The following DYNC1H1 variants were observed in gnomAD, a reference collection of about 807,000 sequenced individuals.
DYNC1H1 encodes cytoplasmic dynein 1 heavy chain 1.
A neutral mutation model predicts 527.1 loss-of-function variants in DYNC1H1; 51 were observed. That is an observed-to-expected ratio of 0.10 (90% CI 0.08 to 0.12). The LOEUF (loss-of-function observed/expected upper bound fraction) is 0.12. Ranked by LOEUF, DYNC1H1 falls within the 10% of genes least tolerant of loss-of-function variation. The pLI is 1.00. For synonymous variants in DYNC1H1, 2,189 were observed against 2,278.8 expected, an observed-to-expected ratio of 0.96 and a Z score of 1.12; for missense variants, 2,771 against 5,971.8, an observed-to-expected ratio of 0.46 and a Z score of 17.66.
chr14:101,965,957 G>T lies in DYNC1H1; in HGVS notation c.256+1010G>T, dbSNP rs1300455271. ...AAGTCTGGGGCTTGCCTGCAGGCAG[G>T]CTTTCTCATGGATTCATTACAACCA... On this transcript the variant is annotated intron_variant, in intron 1 of 77. Transcript: ENST00000360184. This position sits in a 1 kb window ranked among gnomAD's most constrained non-coding sequence, Gnocchi z 4.1. Among the ~76,000 whole-genome samples, 1 of 152,124 alleles carries T rather than the reference G, an allele frequency of 6.6e-6. No individual in the cohort carries two copies. The highest frequency in any genetic ancestry group is 6.5e-5 in the Admixed American group (1 of 15,268).
chr14:102,047,620 C>CGTGTGTGTGT (rs71116873), intron 72 of DYNC1H1, 197 bp from the exon 73 acceptor site: 97 of 324,238 alleles, frequency 3.0e-4, no homozygotes, highest in Admixed American at 6.7e-4. Flanking sequence ...TATATATACA[C>CGTGTGTGTGT]GTGTGTGTGT....
chr14:101,988,723 C>T lies in DYNC1H1; in HGVS notation c.2739C>T (p.Val913=). The part of the protein sequence containing the change: ...LDMEIERILG[V]RLQAGLRAWT... ...TGTAGATTGAAAGAATATTGGGCGT[C>T]CGTCTGCAAGCTGGCCTGAGAGCTT... Residue 913 remains valine, a synonymous_variant, in exon 10 of 78, where the codon GTC becomes GTT. Transcript: ENST00000360184. 1 of 1,614,138 alleles carries T rather than the reference C, an allele frequency of 6.2e-7. No homozygotes were observed.
In DYNC1H1 at chr14:102,022,772, G is replaced by A. The variant is rs764023995; in HGVS notation, c.8529G>A (p.Arg2843=). ...ACAGACTCGTAGAGGATGAGGAGAG[G>A]CGTTGGACTGATGAGAACATCGACA... ...FQDRLVEDEE[R]RWTDENIDTV... The change falls in exon 43 of 78, where the codon AGG becomes AGA. Residue 2843 remains arginine, a synonymous_variant. Coordinates refer to ENST00000360184, the MANE Select transcript of DYNC1H1 (RefSeq NM_001376.5). The A allele has an allele frequency of 3.7e-6, 6 of 1,614,054 alleles. No homozygotes were observed. The highest frequency in any genetic ancestry group is 1.3e-5 in the African/African-American group (1 of 74,920).
intron 34 of DYNC1H1, among the ~76,000 whole-genome samples, chr14:102,014,530 C>CA (rs35266808): frequency 0.19 from 21,591 of 114,258 alleles, 1,877 homozygotes; most frequent in East Asian, 0.29. Context: ...AACTCCATCT[C>CA]AAAAAAAAAA....
chr14:102,031,272 C>T (rs1329481117), intron 51 of DYNC1H1, among the ~76,000 whole-genome samples: 8 of 152,130 alleles, frequency 5.3e-5, no homozygotes, highest in African/African-American at 9.7e-5. Flanking sequence ...CTCACTCTGT[C>T]CCCCAGGCTG....
chr14:102,018,637 C>T lies in DYNC1H1; in HGVS notation c.8343+21C>T. Reference sequence around the variant, plus strand: ...CTCAGGTACGCAGAGTTTCTTTGCTCTTCCAGAAATTGTTTTCCTCTCATA... The same window carrying T: ...CTCAGGTACGCAGAGTTTCTTTGCTTTTCCAGAAATTGTTTTCCTCTCATA... On this transcript the variant is annotated intron_variant, in intron 41 of 77. Transcript: ENST00000360184. The surrounding 1 kb of genome is among the most constrained non-coding windows in gnomAD (Gnocchi z 5.2). The T allele has an allele frequency of 6.2e-7, 1 of 1,612,452 alleles. No individual in the cohort carries two copies. The highest frequency in any genetic ancestry group is 8.5e-7 in the Non-Finnish European group (1 of 1,179,906).
At position 102,039,661 on chromosome 14, in the gene DYNC1H1, A is replaced by G. The variant is rs779072671; in HGVS notation, c.11619A>G (p.Arg3873=). ...LFQVAFNRVA[R]GMLHQDHITF... Reference sequence around the variant, plus strand: ...AGGTGGCGTTTAACCGAGTGGCTCGAGGCATGCTGCATCAGGACCACATTA... The same window carrying G: ...AGGTGGCGTTTAACCGAGTGGCTCGGGGCATGCTGCATCAGGACCACATTA... Residue 3873 remains arginine (R), a synonymous_variant, in exon 62 of 78, where the codon CGA becomes CGG. Coordinates refer to ENST00000360184, the MANE Select transcript of DYNC1H1 (RefSeq NM_001376.5). This position sits in a 1 kb window ranked among gnomAD's most constrained non-coding sequence, Gnocchi z 7.0. The G allele has an allele frequency of 6.2e-7, 1 of 1,614,080 alleles. No individual in the cohort carries two copies. The highest frequency in any genetic ancestry group is 8.5e-7 in the Non-Finnish European group (1 of 1,180,018).
intron 56 of DYNC1H1, chr14:102,035,933 T>G (rs906588029): frequency 6.9e-6 from 1 of 143,942 alleles, no homozygotes; most frequent in African/African-American, 2.5e-5. Flanking sequence ...ACCAGTTGGG[T>G]TTTTTTTTAA....
intron 43 of DYNC1H1, among the ~76,000 whole-genome samples, chr14:102,024,725 C>T (rs1307506030): frequency 3.0e-5 from 4 of 132,608 alleles, no homozygotes; most frequent in Non-Finnish European, 4.6e-5. Context: ...GATGGAGTCT[C>T]GCTCTGTCGC....
At position 102,047,872 on chromosome 14, in the gene DYNC1H1, C is replaced by T. The variant is rs181697853; in HGVS notation, c.13062C>T (p.Asp4354=). The change falls in exon 73 of 78, where the codon GAC becomes GAT. Residue 4354 remains aspartate, a synonymous_variant. Coordinates refer to ENST00000360184, the MANE Select transcript of DYNC1H1 (RefSeq NM_001376.5). ...LKMQMLEDED[D]LAYAETEKKT... ...TGCAGATGTTGGAGGATGAGGACGACCTGGCCTACGCAGAGACTGAGAAGA... is the reference window on the plus strand; with the variant it reads ...TGCAGATGTTGGAGGATGAGGACGATCTGGCCTACGCAGAGACTGAGAAGA... 120 of 1,613,624 alleles carry T rather than the reference C, an allele frequency of 7.4e-5. 1 individual carries two copies. The African/African-American group carries it at 1.4e-3, about 19-fold the overall frequency.
At chr14:102,046,006 A>C (rs558659696) in intron 72 of DYNC1H1, among the ~76,000 whole-genome samples, 1 of 152,130 alleles carries the variant, frequency 6.6e-6, no homozygotes, top group Admixed American at 6.5e-5. Flanking sequence ...CTCTACTAAA[A>C]ATACAAAAAA....
In DYNC1H1 at chr14:102,001,720, T is replaced by G. The variant is rs375403960; in HGVS notation, c.4542+39T>G. On this transcript the variant is annotated intron_variant, in intron 21 of 77. Coordinates refer to ENST00000360184, the MANE Select transcript of DYNC1H1 (RefSeq NM_001376.5). The surrounding 1 kb of genome is among the most constrained non-coding windows in gnomAD (Gnocchi z 5.0). ...GGAAGCTTTCCCTCCCCACCAGTGG[T>G]CTCCCACGCTTTCACTGTAATGCCT... is the stretch of plus-strand genomic sequence containing the variant. 21 of 1,612,926 alleles carry G rather than the reference T, an allele frequency of 1.3e-5. No individual in the cohort carries two copies. Among genetic ancestry groups the G allele is most frequent in the Non-Finnish European group, 1.7e-5 (20 of 1,179,904 alleles).
chr14:102,037,999 G>T (rs1031135219), intron 57 of DYNC1H1: 12 of 310,932 alleles, frequency 3.9e-5, no homozygotes, highest in African/African-American at 2.0e-4. Flanking sequence ...AGTGTGACTA[G>T]GAACTGAGTT....
Position 102,042,096 on chromosome 14 carries a change from G to C in DYNC1H1, c.12186G>C (p.Gln4062His), listed in dbSNP as rs144124371. The change falls in exon 66 of 78, where the codon CAG (glutamine) becomes CAC (histidine). Residue 4062 changes from glutamine (Q) to histidine (H), a missense_variant. Gln to His is a conservative substitution (Grantham distance 24). This residue lies in a region of DYNC1H1 where 195 missense variants were observed against 428.6 expected (regional missense o/e 0.45). Coordinates refer to ENST00000360184, the MANE Select transcript of DYNC1H1 (RefSeq NM_001376.5). The surrounding 1 kb of genome is among the most constrained non-coding windows in gnomAD (Gnocchi z 5.7). ...SGHVEDLAAE[Q>H]NTQITSIAIG... is the part of the protein sequence containing the mutation. The stretch of plus-strand genomic sequence containing the variant: ...ATGTCGAGGACCTTGCAGCCGAGCA[G>C]AACACGCAGATCACTTCAATTGCAA... The C allele has an allele frequency of 5.6e-6, 9 of 1,613,994 alleles. No individual in the cohort carries two copies. The African/African-American group carries it at 1.2e-4, about 22-fold the overall frequency.
rs766138702 is a variant in DYNC1H1, at chr14:102,016,832, A to G, written c.7681A>G (p.Lys2561Glu). 1.2e-6 allele frequency: 2 copies of G among 1,614,118 alleles called. No homozygotes were observed. The highest frequency in any genetic ancestry group is 1.7e-5 in the Admixed American group (1 of 60,030). ...GCCTCAGATTGAAGTGGAGACGCACAAGGTGGCAGCCCCTGATGTCGTCGT... is the reference window on the plus strand; with the variant it reads ...GCCTCAGATTGAAGTGGAGACGCACGAGGTGGCAGCCCCTGATGTCGTCGT... ...KVPQIEVETH[K>E]VAAPDVVVPT... is the part of the protein sequence containing the mutation. The change falls in exon 38 of 78, where the codon AAG becomes GAG. Residue 2561 changes from lysine to glutamate, a missense_variant. Coordinates refer to ENST00000360184, the MANE Select transcript of DYNC1H1 (RefSeq NM_001376.5). The surrounding 1 kb of genome is among the most constrained non-coding windows in gnomAD (Gnocchi z 7.3).
In DYNC1H1 at chr14:102,039,805, G is replaced by T; in HGVS notation, c.11690+73G>T. On this transcript the variant is annotated intron_variant, in intron 62 of 77. Coordinates refer to ENST00000360184, the MANE Select transcript of DYNC1H1 (RefSeq NM_001376.5). The surrounding 1 kb of genome is among the most constrained non-coding windows in gnomAD (Gnocchi z 7.0). ...CCAAGGGTTTCATGATCAGATACAT[G>T]CTTTTATTATTTCTTTTATTTTCTC... The T allele has an allele frequency of 2.0e-6, 3 of 1,471,734 alleles. No homozygotes were observed. The highest frequency in any genetic ancestry group is 2.8e-6 in the Non-Finnish European group (3 of 1,057,418). 91.2% of individuals were successfully genotyped at this position (1,471,734 alleles called of 1,614,324 possible).
rs375077757 is a variant in DYNC1H1, at chr14:102,010,690, C to T, written c.6406-50C>T. On this transcript the variant is annotated intron_variant, in intron 31 of 77. Transcript: ENST00000360184. The surrounding 1 kb of genome is among the most constrained non-coding windows in gnomAD (Gnocchi z 6.0). ...ACGCACCTCCTGGGGATGCAGCGGG[C>T]AGTACTTGAGCCATGCTGCGCTGCT... 3.7e-6 allele frequency: 6 copies of T among 1,605,134 alleles called. No individual in the cohort carries two copies. Among genetic ancestry groups the T allele is most frequent in the Non-Finnish European group, 5.1e-6 (6 of 1,174,038 alleles).
chr14:101,979,692 A>C lies in DYNC1H1; in HGVS notation c.519-27A>C, dbSNP rs1229685139. ...TCTTTGGAGACCAATAGCACACTAA[A>C]TGTTGAGGTATGAAATCTGTTTTTA... On this transcript the variant is annotated intron_variant, in intron 3 of 77. Transcript: ENST00000360184. This position sits in a 1 kb window ranked among gnomAD's most constrained non-coding sequence, Gnocchi z 4.6. The C allele has an allele frequency of 6.2e-7, 1 of 1,613,442 alleles. No homozygotes were observed. Among genetic ancestry groups the C allele is most frequent in the African/African-American group, 1.3e-5 (1 of 74,932 alleles).
chr14:101,990,777 G>A lies in DYNC1H1; in HGVS notation c.2869-750G>A, dbSNP rs143684083. 6.9e-4 allele frequency among the ~76,000 whole-genome samples: 105 copies of A among 152,128 alleles called. 1 individual carries two copies. The highest frequency in any genetic ancestry group is 2.5e-3 in the African/African-American group (103 of 41,504). On this transcript the variant is annotated intron_variant, in intron 10 of 77. Transcript: ENST00000360184. ...TGTAATCCCAGCACTTTGAGAGGCCGAGGCAGGCAGATCACGAGGTCAAGA... is the reference window on the plus strand; with the variant it reads ...TGTAATCCCAGCACTTTGAGAGGCCAAGGCAGGCAGATCACGAGGTCAAGA...
Sources: gnomAD v4.1 joint callset for allele counts (sites outside exome capture counted in the v4.1 genomes callset) on GRCh38, gnomAD v4.1.1 for gene constraint, gnomAD v4.1.1 regional missense constraint, Gnocchi (gnomAD v3.1) non-coding constraint, MANE v1.5 for transcripts, NCBI Gene and HGNC (gene_info 2026-07-23, HGNC 2026-07-21) for gene names.